Variants in ADK observed in about 807,000 individuals in gnomAD.
The protein encoded by ADK is N6,N6-dimethyladenosine kinase.
Under a neutral mutation model 44.7 loss-of-function variants are expected in ADK, and 24 were observed. The ratio of observed to expected loss-of-function variants is 0.54; its 90% CI spans 0.39 to 0.76. The LOEUF is 0.76. Ranked by LOEUF, ADK falls within the 30% of genes least tolerant of loss-of-function variation. The pLI is 0.00. For synonymous variants in ADK, 128 were observed against 142.6 expected (o/e 0.90, Z 0.73); for missense variants, 321 against 425.1 (o/e 0.76, Z 2.15).
chr10:74,200,466 A>C (rs1165472743), intron 1 of ADK, among the ~76,000 whole-genome samples: 1 of 150,206 alleles, frequency 6.7e-6, no homozygotes, highest in Non-Finnish European at 1.5e-5. Flanking sequence ...CCTGGGCGAC[A>C]AGAGCGAAAC....
At chr10:74,329,106 C>CAAAAAAA (rs138730631) in intron 4 of ADK, among the ~76,000 whole-genome samples, 3 of 82,122 alleles carry the variant, frequency 3.7e-5, no homozygotes, top group African/African-American at 5.0e-5. Context: ...TCTGTGCAGG[C>CAAAAAAA]AAAAAAAAAA....
intron 4 of ADK, among the ~76,000 whole-genome samples, chr10:74,329,073 AAAAAT>A (rs1244009873): frequency 5.4e-5 from 8 of 149,294 alleles, no homozygotes; most frequent in Admixed American, 1.3e-4. Context: ...AAAATAAAAT[AAAAAT>A]AAAATAAAAT....
chr10:74,180,803 G>A (rs1842527428), intron 1 of ADK, among the ~76,000 whole-genome samples: 2 of 151,742 alleles, frequency 1.3e-5, no homozygotes, highest in South Asian at 4.2e-4. Flanking sequence ...CCCCCACTTC[G>A]GCCTCCCAAA....
In ADK at chr10:74,426,174, T is replaced by C. The variant is rs143703676; in HGVS notation, c.555+27595T>C. 5.7e-4 allele frequency among the ~76,000 whole-genome samples: 87 copies of C among 152,316 alleles called. No individual in the cohort carries two copies. In the East Asian group the frequency reaches 0.014, roughly 24 times the overall value. Reference sequence around the variant, plus strand: ...ATGATTTTTGTTAATATATAATGAATGTTTGCTCATGCCGTTAACTATTCC... The same window carrying C: ...ATGATTTTTGTTAATATATAATGAACGTTTGCTCATGCCGTTAACTATTCC... On this transcript the variant is annotated intron_variant, in intron 6 of 10. Transcript: ENST00000539909.
intron 4 of ADK, among the ~76,000 whole-genome samples, chr10:74,337,931 A>G (rs1353295076): frequency 2.6e-5 from 4 of 151,924 alleles, no homozygotes; most frequent in South Asian, 2.1e-4. Flanking sequence ...CTGGGCTACA[A>G]ATGTATTTAA....
intron 3 of ADK, among the ~76,000 whole-genome samples, chr10:74,293,786 T>C (rs1839713286): frequency 6.6e-6 from 1 of 152,208 alleles, no homozygotes; most frequent in African/African-American, 2.4e-5. Context: ...TTTTATTAAC[T>C]TTTTGTGAAT....
At chr10:74,350,952 A>C (rs949171706) in intron 4 of ADK, among the ~76,000 whole-genome samples, 1 of 152,192 alleles carries the variant, frequency 6.6e-6, no homozygotes, top group African/African-American at 2.4e-5. Context: ...TACCAACCAA[A>C]AAAAGCCCAG....
chr10:74,282,898 A>G (rs1178360709), intron 3 of ADK, among the ~76,000 whole-genome samples: 1 of 152,202 alleles, frequency 6.6e-6, no homozygotes, highest in Non-Finnish European at 1.5e-5. Flanking sequence ...TTTTCCTGCC[A>G]TAAGAAACTG....
chr10:74,567,762 G>A (rs1456640925), intron 7 of ADK, among the ~76,000 whole-genome samples: 2 of 144,546 alleles, frequency 1.4e-5, no homozygotes, highest in African/African-American at 2.6e-5. Context: ...GCAGTGGCGC[G>A]ATCTCAGCTC....
At chr10:74,387,660 C>A (rs1028461290) in intron 4 of ADK, among the ~76,000 whole-genome samples, 1 of 152,154 alleles carries the variant, frequency 6.6e-6, no homozygotes, top group Admixed American at 6.5e-5. Flanking sequence ...TGATCTCTCT[C>A]ATGGGTATTT....
intron 4 of ADK, among the ~76,000 whole-genome samples, chr10:74,319,556 C>T (rs1840741182): frequency 6.6e-6 from 1 of 152,154 alleles, no homozygotes; most frequent in Non-Finnish European, 1.5e-5. Context: ...AATGTAGTCA[C>T]ATTGTGAGAT....
intron 7 of ADK, among the ~76,000 whole-genome samples, chr10:74,578,692 A>T (rs1455033039): frequency 6.6e-6 from 1 of 151,974 alleles, no homozygotes; most frequent in Non-Finnish European, 1.5e-5. Flanking sequence ...AGGACCAGGG[A>T]AAAAAAAGTG....
chr10:74,589,383 C>A (rs971758647), intron 8 of ADK, 66 bp downstream of exon 8: 1 of 1,516,788 alleles, frequency 6.6e-7, no homozygotes, highest in African/African-American at 1.4e-5. Flanking sequence ...TAATGAAGTT[C>A]TTTTGGACAG....
At chr10:74,327,958 G>T (rs1021137993) in intron 4 of ADK, among the ~76,000 whole-genome samples, 2 of 152,234 alleles carry the variant, frequency 1.3e-5, no homozygotes, top group Non-Finnish European at 1.5e-5. Context: ...ACCCAGGCTG[G>T]AGTGCAGTGG....
chr10:74,252,956 A>G (rs995059312), intron 3 of ADK, among the ~76,000 whole-genome samples: 10 of 152,226 alleles, frequency 6.6e-5, no homozygotes, highest in Non-Finnish European at 1.3e-4. Context: ...GAGATAGTAT[A>G]TGGTTAGCAG....
intron 3 of ADK, among the ~76,000 whole-genome samples, chr10:74,297,413 G>T (rs1269187340): frequency 6.6e-6 from 1 of 151,990 alleles, no homozygotes; most frequent in African/African-American, 2.4e-5. Flanking sequence ...AAACAGACTT[G>T]GTTTTTAAAA....
chr10:74,326,568 G>T (rs1443912378), intron 4 of ADK, among the ~76,000 whole-genome samples: 7 of 152,038 alleles, frequency 4.6e-5, no homozygotes, highest in African/African-American at 1.7e-4. Context: ...CTATGATCAT[G>T]CCACTGTACT....
rs1839856241 is a variant in ADK, at chr10:74,297,420, A to G, written c.195-17247A>G. On this transcript the variant is annotated intron_variant, in intron 3 of 10. Transcript: ENST00000539909. Reference sequence around the variant, plus strand: ...TGAGTGTGAAACAGACTTGGTTTTTAAAAAACAATTTAAGAACAAATTTAA... The same window carrying G: ...TGAGTGTGAAACAGACTTGGTTTTTGAAAAACAATTTAAGAACAAATTTAA... Among the ~76,000 whole-genome samples, 4 of 152,246 alleles carry G rather than the reference A, an allele frequency of 2.6e-5. No individual in the cohort carries two copies. The South Asian group carries it at 8.3e-4, about 31-fold the overall frequency.
At chr10:74,264,890 A>G (rs953939009) in intron 3 of ADK, among the ~76,000 whole-genome samples, 3 of 152,082 alleles carry the variant, frequency 2.0e-5, no homozygotes, top group South Asian at 2.1e-4. Flanking sequence ...ATGGGGGTCA[A>G]TTTCTGGGTT....
Sources: gnomAD v4.1 joint callset for allele counts (sites outside exome capture counted in the v4.1 genomes callset) on GRCh38, gnomAD v4.1.1 for gene constraint, MANE v1.5 for transcripts, NCBI Gene and HGNC (gene_info 2026-07-23, HGNC 2026-07-21) for gene names.